NINL: variants seen among roughly 807,000 people sequenced by gnomAD.
The protein encoded by NINL is ninein like.
A neutral mutation model predicts 160.3 loss-of-function variants in NINL; 153 were observed. That is an observed-to-expected ratio of 0.95 (90% CI 0.84 to 1.09). The LOEUF (loss-of-function observed/expected upper bound fraction) is 1.09. Ranked by LOEUF, NINL falls within the 50% of genes least tolerant of loss-of-function variation. The pLI is 0.00. For synonymous variants in NINL, 800 were observed against 734.8 expected (o/e 1.09, Z -1.43); for missense variants, 1,829 against 1,764.0 (o/e 1.04, Z -0.66).
chr20:25,565,218 T>C (rs1262958739), intron 1 of NINL, among the ~76,000 whole-genome samples: 1 of 152,096 alleles, frequency 6.6e-6, no homozygotes, highest in Admixed American at 6.6e-5. Context: ...TTTTGAAAAA[T>C]GCCCAGAACA....
chr20:25,535,158 G>A (rs138238442), intron 1 of NINL, among the ~76,000 whole-genome samples: 11 of 152,236 alleles, frequency 7.2e-5, no homozygotes, highest in Non-Finnish European at 1.2e-4. Flanking sequence ...AGTGAAATAA[G>A]GCCGGCATAG....
intron 3 of NINL, among the ~76,000 whole-genome samples, chr20:25,513,644 AG>A (rs1260454452): frequency 6.6e-6 from 1 of 152,184 alleles, no homozygotes; most frequent in African/African-American, 2.4e-5. Context: ...TCAGTGTTGG[AG>A]GAGGGGCCTG....
rs374343751 is a variant in NINL at position 25,504,155 on chromosome 20, C to T, written c.709-51G>A. On this transcript the variant is annotated intron_variant, in intron 6 of 23. Coordinates refer to ENST00000278886, the MANE Select transcript of NINL (RefSeq NM_025176.6). ...GCCCACCCACAAGAGCTCCACCCAA[C>T]CGCCCTCACCAGGGCCTCCCTCCCT... The T allele has an allele frequency of 1.2e-5, 18 of 1,519,508 alleles. No homozygotes were observed. The African/African-American group carries it at 2.4e-4, about 20-fold the overall frequency. 94.1% of individuals were successfully genotyped at this position (1,519,508 alleles called of 1,614,324 possible).
At chr20:25,583,976 C>T (rs111713195) in intron 1 of NINL, among the ~76,000 whole-genome samples, 3 of 152,062 alleles carry the variant, frequency 2.0e-5, no homozygotes, top group African/African-American at 7.2e-5. Context: ...ACATCGGGAC[C>T]TGTCGGGGCG....
chr20:25,521,725 TC>T (rs2064266730), intron 2 of NINL, among the ~76,000 whole-genome samples: 1 of 152,200 alleles, frequency 6.6e-6, no homozygotes, highest in South Asian at 2.1e-4. Flanking sequence ...TCAGGATTCT[TC>T]CTTAAATTTG....
intron 1 of NINL, among the ~76,000 whole-genome samples, chr20:25,536,247 T>C (rs1448186008): frequency 6.6e-6 from 1 of 152,154 alleles, no homozygotes; most frequent in Non-Finnish European, 1.5e-5. Context: ...CGATCTGGGC[T>C]CCATCCAAGA....
At chr20:25,568,936 T>A (rs1039951452) in intron 1 of NINL, among the ~76,000 whole-genome samples, 7 of 148,532 alleles carry the variant, frequency 4.7e-5, no homozygotes, top group Admixed American at 1.3e-4. Flanking sequence ...TACAAAATAT[T>A]TTTTTTTTTC....
At chr20:25,534,774 T>C (rs1041448188) in intron 1 of NINL, among the ~76,000 whole-genome samples, 15 of 152,344 alleles carry the variant, frequency 9.8e-5, no homozygotes, top group South Asian at 6.2e-4. Flanking sequence ...AAATCACAGA[T>C]GCTCAAGTCC....
intron 13 of NINL, among the ~76,000 whole-genome samples, chr20:25,484,326 TCAAGA>T (rs1487925003): frequency 6.6e-6 from 1 of 152,080 alleles, no homozygotes; most frequent in African/African-American, 2.4e-5. Context: ...ATGCCCTCAG[TCAAGA>T]CACAGCGACC....
chr20:25,550,617 CTG>C (rs2064796260), intron 1 of NINL, among the ~76,000 whole-genome samples: 1 of 151,934 alleles, frequency 6.6e-6, no homozygotes, highest in Admixed American at 6.6e-5. Context: ...GAGCAAAGGA[CTG>C]TGTGTCATAA....
At chr20:25,503,841 C>CTTGGACAGCTTG in intron 7 of NINL, 111 bp downstream of exon 7, 1 of 1,324,198 alleles carries the variant, frequency 7.6e-7, no homozygotes, top group Admixed American at 1.7e-5. Flanking sequence ...CTGTCCAGTT[C>CTTGGACAGCTTG]TTGGACAGCT....
intron 1 of NINL, among the ~76,000 whole-genome samples, chr20:25,569,726 G>A (rs1047302463): frequency 1.3e-5 from 2 of 152,214 alleles, no homozygotes; most frequent in Admixed American, 1.3e-4. Flanking sequence ...TGTGGAGCAA[G>A]CACGGAGGCG....
chr20:25,572,942 G>C (rs1258789739), intron 1 of NINL, among the ~76,000 whole-genome samples: 2 of 152,144 alleles, frequency 1.3e-5, no homozygotes, highest in African/African-American at 4.8e-5. Context: ...ATAAAACTGA[G>C]ACACTTTCTC....
chr20:25,559,785 TTTGTAAAGATGGGATCTCAC>T (rs1265345740), intron 1 of NINL, among the ~76,000 whole-genome samples: 1 of 152,062 alleles, frequency 6.6e-6, no homozygotes, highest in Non-Finnish European at 1.5e-5. Context: ...TTTCTCGTTT[TTTGTAAAGATGGGATCTCAC>T]TGTGTTGCCC....
Position 25,554,705 on chromosome 20 carries a change from G to A in NINL, c.-11-28107C>T, listed in dbSNP as rs371925972. On this transcript the variant is annotated intron_variant, in intron 1 of 23. Transcript: ENST00000278886. ...GTCTGTAGTCCTAGCTATTCAGGAA[G>A]CTGAGGCAGGAGGATCACTTGGGCC... 2.0e-5 allele frequency among the ~76,000 whole-genome samples: 3 copies of A among 151,572 alleles called. No individual in the cohort carries two copies. In the East Asian group the frequency reaches 5.8e-4, roughly 30 times the overall value.
Position 25,461,564 on chromosome 20 carries a change from T to C in NINL, c.3654A>G (p.Pro1218=), listed in dbSNP as rs766147576. The C allele has an allele frequency of 2.5e-6, 4 of 1,605,526 alleles. No homozygotes were observed. The highest frequency in any genetic ancestry group is 2.2e-5 in the East Asian group (1 of 44,828). The change falls in exon 21 of 24, where the codon CCA becomes CCG. Residue 1218 remains proline, a synonymous_variant. Coordinates refer to ENST00000278886, the MANE Select transcript of NINL (RefSeq NM_025176.6). ...CAAGGGTCTGGGTCAGCTCTGACCA[T>C]GGCAGCTGCAGGCTCTGATGTTCCT... ...LNQEHQSLQL[P]WSELTQTLEE... is the part of the protein sequence containing the mutation.
chr20:25,547,221 T>G (rs902471377), intron 1 of NINL, among the ~76,000 whole-genome samples: 1 of 152,134 alleles, frequency 6.6e-6, no homozygotes, highest in East Asian at 1.9e-4. Context: ...GGTTACCAGA[T>G]GGACCAACCC....
intron 1 of NINL, among the ~76,000 whole-genome samples, chr20:25,565,905 G>A (rs1319062203): frequency 6.6e-6 from 1 of 152,168 alleles, no homozygotes; most frequent in Non-Finnish European, 1.5e-5. Context: ...CCCAGCATTT[G>A]GACTCCAGGA....
chr20:25,475,202 C>T (rs1169804944), intron 17 of NINL, among the ~76,000 whole-genome samples: 2 of 151,310 alleles, frequency 1.3e-5, no homozygotes, highest in African/African-American at 4.9e-5. Flanking sequence ...TGAGCCCAGA[C>T]AGCACCACTG....
Sources: gnomAD v4.1 joint callset for allele counts (sites outside exome capture counted in the v4.1 genomes callset) on GRCh38, gnomAD v4.1.1 for gene constraint, MANE v1.5 for transcripts, NCBI Gene and HGNC (gene_info 2026-07-23, HGNC 2026-07-21) for gene names.